PTPRD: variants seen among roughly 807,000 people sequenced by gnomAD.
The protein encoded by PTPRD is protein tyrosine phosphatase receptor type D, also known as receptor-type tyrosine-protein phosphatase delta.
Under a neutral mutation model 214.5 loss-of-function variants are expected in PTPRD, and 34 were observed. The observed-to-expected ratio is 0.16, with a 90% confidence interval of 0.12 to 0.21. The LOEUF is 0.21. PTPRD is among the 10% of genes least tolerant of loss of function. The pLI is 1.00. For synonymous variants in PTPRD, 1,128 were observed against 845.7 expected, an observed-to-expected ratio of 1.33 and a Z score of -5.79; for missense variants, 2,545 against 2,398.7, an observed-to-expected ratio of 1.06 and a Z score of -1.27.
At chr9:9,606,053 T>G (rs2094132719) in intron 7 of PTPRD, among the ~76,000 whole-genome samples, 1 of 152,064 alleles carries the variant, frequency 6.6e-6, no homozygotes, top group African/African-American at 2.4e-5. Context: ...ACAGTTTCTT[T>G]TAAGAGTGGC....
At chr9:9,955,715 G>A (rs897609991) in intron 4 of PTPRD, among the ~76,000 whole-genome samples, 3 of 152,056 alleles carry the variant, frequency 2.0e-5, no homozygotes, top group Non-Finnish European at 4.4e-5. Flanking sequence ...AGTAGAGACA[G>A]GGTTTCACCG....
intron 9 of PTPRD, among the ~76,000 whole-genome samples, chr9:9,314,810 G>A (rs1961638057): frequency 6.6e-6 from 1 of 152,068 alleles, no homozygotes; most frequent in South Asian, 2.1e-4. Flanking sequence ...TATTTACTCT[G>A]TTTTATTTAT....
At chr9:8,478,561 C>G (rs1475050680) in intron 30 of PTPRD, among the ~76,000 whole-genome samples, 1 of 152,098 alleles carries the variant, frequency 6.6e-6, no homozygotes, top group Non-Finnish European at 1.5e-5. Context: ...TAAAATTCTG[C>G]TCTATAAAGT....
intron 5 of PTPRD, among the ~76,000 whole-genome samples, chr9:9,902,483 A>C (rs922851959): frequency 6.6e-6 from 1 of 152,170 alleles, no homozygotes. Flanking sequence ...ATCTGAAGTC[A>C]TGTATGTTGA....
intron 39 of PTPRD, among the ~76,000 whole-genome samples, chr9:8,354,628 T>G (rs1308489554): frequency 6.6e-6 from 1 of 152,206 alleles, no homozygotes; most frequent in Non-Finnish European, 1.5e-5. Flanking sequence ...TTTTCCTGTT[T>G]GTTGGTTGGT....
intron 11 of PTPRD, among the ~76,000 whole-genome samples, chr9:8,821,600 C>T (rs900232449): frequency 3.3e-5 from 5 of 152,186 alleles, no homozygotes; most frequent in African/African-American, 1.2e-4. Flanking sequence ...TTGTGAGAAA[C>T]AACTAACTGG....
In PTPRD at chr9:9,575,050, T is replaced by A. The variant is rs12684489; in HGVS notation, c.-286-269A>T. Among the ~76,000 whole-genome samples, 354 of 141,288 alleles carry A rather than the reference T, an allele frequency of 2.5e-3. 16 individuals carry two copies. In the East Asian group the frequency reaches 0.052, roughly 21 times the overall value. The allele number at this position is 141,288 out of a possible 152,430, so 92.7% of individuals were successfully genotyped here. ...ATTGTCCACTTGCTTCTTGTAAGAC[T>A]ATAGCTGATGGATAACATTTGCAAG... On this transcript the variant is annotated intron_variant, in intron 7 of 45. Transcript: ENST00000381196.
At chr9:9,451,567 T>A (rs189778578) in intron 8 of PTPRD, among the ~76,000 whole-genome samples, 1 of 151,390 alleles carries the variant, frequency 6.6e-6, no homozygotes, top group Non-Finnish European at 1.5e-5. Context: ...GTCCCTGCAG[T>A]GAAAAATTAC....
chr9:9,399,668 T>A (rs1297625313), intron 8 of PTPRD, among the ~76,000 whole-genome samples: 1 of 151,994 alleles, frequency 6.6e-6, no homozygotes, highest in Admixed American at 6.6e-5. Context: ...CCCATGTGGT[T>A]CTCATGATAG....
At chr9:9,839,526 C>G (rs2057754584) in intron 5 of PTPRD, among the ~76,000 whole-genome samples, 1 of 152,018 alleles carries the variant, frequency 6.6e-6, no homozygotes, top group South Asian at 2.1e-4. Context: ...AGGAGAACTA[C>G]AAACCACTGC....
chr9:8,449,056 C>T (rs2095842561), intron 34 of PTPRD, among the ~76,000 whole-genome samples: 1 of 152,132 alleles, frequency 6.6e-6, no homozygotes, highest in South Asian at 2.1e-4. Context: ...CATGAATAAA[C>T]AATATTGTGC....
At chr9:9,539,922 T>G (rs1256348391) in intron 8 of PTPRD, among the ~76,000 whole-genome samples, 1 of 151,850 alleles carries the variant, frequency 6.6e-6, no homozygotes, top group African/African-American at 2.4e-5. Context: ...CACATCCATT[T>G]CCATTAGTAA....
chr9:10,566,708 TCTC>T (rs1225848265), intron 2 of PTPRD, among the ~76,000 whole-genome samples: 1 of 151,986 alleles, frequency 6.6e-6, no homozygotes, highest in African/African-American at 2.4e-5. Context: ...GTCAGCTTCT[TCTC>T]CTTCATGGTT....
chr9:9,983,707 T>G (rs2095617434), intron 4 of PTPRD, among the ~76,000 whole-genome samples: 1 of 152,244 alleles, frequency 6.6e-6, no homozygotes, highest in Non-Finnish European at 1.5e-5. Flanking sequence ...TGCAACATAC[T>G]TACGTGATTT....
chr9:8,864,265 T>C (rs1406347760), intron 11 of PTPRD, among the ~76,000 whole-genome samples: 1 of 152,204 alleles, frequency 6.6e-6, no homozygotes, highest in Non-Finnish European at 1.5e-5. Flanking sequence ...AAGAGAAAGA[T>C]ACAAAAGTAC....
At chr9:8,616,308 G>A (rs191420809) in intron 14 of PTPRD, among the ~76,000 whole-genome samples, 23 of 152,218 alleles carry the variant, frequency 1.5e-4, no homozygotes, top group South Asian at 1.0e-3. Context: ...TTTTCAAGTT[G>A]TAACATGGCA....
intron 14 of PTPRD, among the ~76,000 whole-genome samples, chr9:8,545,677 T>A (rs2140400757): frequency 6.6e-6 from 1 of 152,308 alleles, no homozygotes; most frequent in Non-Finnish European, 1.5e-5. Context: ...AGACATTACC[T>A]CATTCAGTTT....
intron 2 of PTPRD, among the ~76,000 whole-genome samples, chr9:10,379,368 T>C (rs955011242): frequency 6.6e-6 from 1 of 151,910 alleles, no homozygotes; most frequent in African/African-American, 2.4e-5. Context: ...CTTTTTCTTG[T>C]CTGATTGCTC....
intron 8 of PTPRD, among the ~76,000 whole-genome samples, chr9:9,520,218 A>G (rs2096933576): frequency 6.7e-6 from 1 of 149,712 alleles, no homozygotes. Context: ...TCTGCCCCAG[A>G]GCACATAATT....
Sources: allele counts gnomAD v4.1 joint callset (sites outside exome capture counted in the v4.1 genomes callset), GRCh38; gene constraint gnomAD v4.1.1; transcripts MANE v1.5; gene names NCBI Gene and HGNC (gene_info 2026-07-23, HGNC 2026-07-21).